VPS13A: variants seen among roughly 807,000 people sequenced by gnomAD.
VPS13A encodes vacuolar protein sorting 13 homolog A.
In VPS13A, 264 loss-of-function variants were observed where a neutral mutation model predicts 390.9. The ratio of observed to expected loss-of-function variants is 0.68; its 90% CI spans 0.61 to 0.75. The LOEUF (loss-of-function observed/expected upper bound fraction) is 0.75, where lower values mean the gene tolerates loss of function less well. Among genes scored for constraint, VPS13A ranks in the 30% least tolerant of loss-of-function variants. The pLI is 0.00. For synonymous variants in VPS13A, 1,231 were observed against 1,227.1 expected (o/e 1.00, Z -0.07); for missense variants, 3,409 against 3,733.9 (o/e 0.91, Z 2.27).
chr9:77,291,791 C>T (rs1236480310), intron 31 of VPS13A, among the ~76,000 whole-genome samples: 3 of 152,256 alleles, frequency 2.0e-5, no homozygotes, highest in African/African-American at 7.2e-5. Flanking sequence ...ATTTTCACTC[C>T]TAGCCAGGGC....
chr9:77,208,528 A>G (rs1825802079), intron 5 of VPS13A, among the ~76,000 whole-genome samples: 2 of 152,038 alleles, frequency 1.3e-5, no homozygotes, highest in South Asian at 2.1e-4. Flanking sequence ...AGGAACCTCA[A>G]TTCTTTATTC....
Position 77,344,989 on chromosome 9 carries a change from T to C in VPS13A, c.7156-20T>C. On this transcript the variant is annotated intron_variant, in intron 51 of 71. Transcript: ENST00000360280. ...TGGGAAAATGATTACATTAAAATGTTTTCTTTTTCTTTCTTCTAGCTTGGA... is the reference window on the plus strand; with the variant it reads ...TGGGAAAATGATTACATTAAAATGTCTTCTTTTTCTTTCTTCTAGCTTGGA... 6.2e-7 allele frequency: 1 copy of C among 1,608,020 alleles called. No homozygotes were observed. The highest frequency in any genetic ancestry group is 8.5e-7 in the Non-Finnish European group (1 of 1,178,946).
intron 20 of VPS13A, among the ~76,000 whole-genome samples, chr9:77,249,513 T>C (rs191181747): frequency 1.2e-4 from 19 of 152,340 alleles, no homozygotes; most frequent in African/African-American, 4.1e-4. Flanking sequence ...AGTTAAAAAA[T>C]GTATGTGTAC....
chr9:77,412,121 A>G (rs1834963076), intron 71 of VPS13A, among the ~76,000 whole-genome samples: 1 of 152,158 alleles, frequency 6.6e-6, no homozygotes, highest in Admixed American at 6.6e-5. Flanking sequence ...CAACCAAAAA[A>G]AGTCCAGGAC....
At chr9:77,287,027 CATAT>C in intron 31 of VPS13A, among the ~76,000 whole-genome samples, 1 of 151,764 alleles carries the variant, frequency 6.6e-6, no homozygotes, top group Non-Finnish European at 1.5e-5. Context: ...GAGGAACAGT[CATAT>C]AGTCCTACTC....
At position 77,405,784 on chromosome 9, in the gene VPS13A, G is replaced by A. The variant is rs902901600; in HGVS notation, c.9276-80G>A. ...TGATGAATATTGCATTTGCACTTGC[G>A]ATTCATTCGTATCCTGTTGTTATTG... On this transcript the variant is annotated intron_variant, in intron 69 of 71. Coordinates refer to ENST00000360280, the MANE Select transcript of VPS13A (RefSeq NM_033305.3). 9 of 1,570,104 alleles carry A rather than the reference G, an allele frequency of 5.7e-6. No individual in the cohort carries two copies. The East Asian group carries it at 9.0e-5, about 16-fold the overall frequency.
chr9:77,297,294 A>G (rs1184901602), intron 33 of VPS13A, among the ~76,000 whole-genome samples: 6 of 152,000 alleles, frequency 3.9e-5, no homozygotes, highest in East Asian at 3.9e-4. Context: ...GTTACTCTAT[A>G]AGTCTGTGTA....
At chr9:77,400,981 T>G (rs929250497) in intron 68 of VPS13A, among the ~76,000 whole-genome samples, 5 of 152,200 alleles carry the variant, frequency 3.3e-5, no homozygotes, top group African/African-American at 1.2e-4. Context: ...GCCATTTATT[T>G]GATAATACAT....
intron 62 of VPS13A, among the ~76,000 whole-genome samples, 189 bp downstream of exon 62, chr9:77,368,325 A>G (rs926568419): frequency 6.6e-6 from 1 of 152,244 alleles, no homozygotes; most frequent in African/African-American, 2.4e-5. Context: ...TTTTGTCCTT[A>G]TATTTTTTAG....
intron 23 of VPS13A, among the ~76,000 whole-genome samples, chr9:77,265,800 C>A (rs1282959569): frequency 6.6e-6 from 1 of 152,126 alleles, no homozygotes; most frequent in African/African-American, 2.4e-5. Context: ...TCCTTCATTT[C>A]TGCTCTGATC....
chr9:77,186,001 G>A (rs973657688), intron 1 of VPS13A, among the ~76,000 whole-genome samples: 4 of 152,100 alleles, frequency 2.6e-5, no homozygotes, highest in African/African-American at 7.2e-5. Flanking sequence ...GGTAATGTGC[G>A]CCTGTAGTCT....
At chr9:77,370,389 C>T (rs770762242) in intron 64 of VPS13A, 26 bp from the exon 65 acceptor site, 1 of 1,614,128 alleles carries the variant, frequency 6.2e-7, no homozygotes, top group Non-Finnish European at 8.5e-7. Flanking sequence ...GGCATCATTA[C>T]TTTTACTAAA....
chr9:77,187,943 A>T (rs1342645716), intron 1 of VPS13A, among the ~76,000 whole-genome samples: 5 of 152,160 alleles, frequency 3.3e-5, no homozygotes, highest in African/African-American at 2.4e-5. Context: ...GTTTGAATAC[A>T]TGTCCCCACC....
intron 26 of VPS13A, among the ~76,000 whole-genome samples, chr9:77,276,422 C>G (rs1409484087): frequency 1.3e-5 from 2 of 152,062 alleles, no homozygotes; most frequent in Admixed American, 1.3e-4. Context: ...TAATTTTATT[C>G]ATTATGGAAA....
chr9:77,282,404 G>A (rs1587488073), intron 29 of VPS13A, 130 bp downstream of exon 29: 4 of 838,210 alleles, frequency 4.8e-6, no homozygotes, highest in East Asian at 2.7e-5. Context: ...TTAATATCTA[G>A]AAGGATTCAT....
chr9:77,225,193 A>G (rs1823436764), intron 13 of VPS13A, among the ~76,000 whole-genome samples: 1 of 152,198 alleles, frequency 6.6e-6, no homozygotes, highest in Admixed American at 6.5e-5. Context: ...AATCTGCAGT[A>G]TCTCTGAGGT....
Position 77,314,391 on chromosome 9 carries a change from ATGTT to A in VPS13A, c.4243-99_4243-96del. The A allele has an allele frequency of 2.5e-6, 3 of 1,206,364 alleles. No individual in the cohort carries two copies. The South Asian group carries it at 3.9e-5, about 16-fold the overall frequency. The allele number at this position is 1,206,364 out of a possible 1,614,324, so 74.7% of individuals were successfully genotyped here. The stretch of plus-strand genomic sequence containing the variant: ...AGAGCCCTTCGGAGACAGAATTTTG[ATGTT>A]TGTTATAAGCAGAGGCAATAATTTG... On this transcript the variant is annotated intron_variant, in intron 36 of 71. Coordinates refer to ENST00000360280, the MANE Select transcript of VPS13A (RefSeq NM_033305.3).
intron 17 of VPS13A, among the ~76,000 whole-genome samples, chr9:77,234,201 G>A (rs1490141758): frequency 6.6e-6 from 1 of 151,962 alleles, no homozygotes; most frequent in Non-Finnish European, 1.5e-5. Flanking sequence ...TTAGATACAG[G>A]GTCTTGCTTT....
chr9:77,291,164 G>A (rs1484877544), intron 31 of VPS13A, among the ~76,000 whole-genome samples: 2 of 152,148 alleles, frequency 1.3e-5, no homozygotes, highest in Non-Finnish European at 2.9e-5. Context: ...ATCAGTGGGG[G>A]CATTAGATTC....
Sources: gnomAD v4.1 joint callset for allele counts (sites outside exome capture counted in the v4.1 genomes callset) on GRCh38, gnomAD v4.1.1 for gene constraint, MANE v1.5 for transcripts, NCBI Gene and HGNC (gene_info 2026-07-23, HGNC 2026-07-21) for gene names.